Variants in PARD3B observed in about 807,000 individuals in gnomAD.
The protein encoded by PARD3B is partitioning defective 3 homolog B.
In PARD3B, 103 loss-of-function variants were observed where a neutral mutation model predicts 130.2. The ratio of observed to expected loss-of-function variants is 0.79; its 90% confidence interval spans 0.67 to 0.93. The LOEUF (loss-of-function observed/expected upper bound fraction) is 0.93. PARD3B is among the 40% of genes least tolerant of loss of function. PARD3B has a pLI of 0.00. For synonymous variants in PARD3B, 583 were observed against 553.2 expected (o/e 1.05, Z -0.76); for missense variants, 1,609 against 1,499.2 (o/e 1.07, Z -1.21).
At chr2:205,523,257 A>G (rs188380776) in intron 21 of PARD3B, among the ~76,000 whole-genome samples, 129 of 147,222 alleles carry the variant, frequency 8.8e-4, no homozygotes, top group African/African-American at 2.9e-3. Context: ...ATATATATAT[A>G]TTTTTGAGAT....
intron 1 of PARD3B, among the ~76,000 whole-genome samples, chr2:204,611,480 GA>G (rs1231106518): frequency 6.6e-6 from 1 of 152,068 alleles, no homozygotes; most frequent in Non-Finnish European, 1.5e-5. Flanking sequence ...TGTTACTTTG[GA>G]AGGCAGAGGT....
chr2:204,566,538 T>G (rs2031683441), intron 1 of PARD3B, among the ~76,000 whole-genome samples: 1 of 152,200 alleles, frequency 6.6e-6, no homozygotes, highest in African/African-American at 2.4e-5. Flanking sequence ...GTTTGTCTTA[T>G]AAAGTTCTCA....
intron 2 of PARD3B, among the ~76,000 whole-genome samples, chr2:204,932,732 T>G (rs1440474887): frequency 6.6e-6 from 1 of 152,152 alleles, no homozygotes; most frequent in Non-Finnish European, 1.5e-5. Flanking sequence ...ATAAGTATGT[T>G]TATCAAAGAA....
chr2:204,836,536 G>T (rs1437927518), intron 2 of PARD3B, among the ~76,000 whole-genome samples: 2 of 152,046 alleles, frequency 1.3e-5, no homozygotes, highest in African/African-American at 4.8e-5. Context: ...GGTGGTTCAT[G>T]CCTGTAATCC....
chr2:205,055,082 C>T (rs1235628112), intron 4 of PARD3B, among the ~76,000 whole-genome samples: 1 of 152,070 alleles, frequency 6.6e-6, no homozygotes, highest in Non-Finnish European at 1.5e-5. Context: ...TATTCAAGCC[C>T]CCAGGCACAG....
At position 204,581,226 on chromosome 2, in the gene PARD3B, A is replaced by T. The variant is rs11884736; in HGVS notation, c.120+35107A>T. ...GTTCTCTGAGCACTGCAGTTATAAG[A>T]CTGTATGCTCTGCTCTAACACAGGT... On this transcript the variant is annotated intron_variant, in intron 1 of 22. Coordinates refer to ENST00000406610, the MANE Select transcript of PARD3B (RefSeq NM_001302769.2). Among the ~76,000 whole-genome samples, 1,038 of 152,290 alleles carry T rather than the reference A, an allele frequency of 6.8e-3. 11 individuals carry two copies. Among genetic ancestry groups the T allele is most frequent in the African/African-American group, 0.023 (943 of 41,562 alleles).
chr2:205,256,432 T>C (rs1045096963), intron 16 of PARD3B, among the ~76,000 whole-genome samples: 2 of 152,164 alleles, frequency 1.3e-5, no homozygotes, highest in East Asian at 1.9e-4. Flanking sequence ...TCTCACAGTT[T>C]AGTAGCAACA....
intron 20 of PARD3B, among the ~76,000 whole-genome samples, chr2:205,487,170 G>A (rs377087816): frequency 2.6e-5 from 4 of 152,084 alleles, no homozygotes; most frequent in East Asian, 1.9e-4. Flanking sequence ...GTAAGGACTC[G>A]TTCACTTGTC....
chr2:205,176,638 TA>T lies in PARD3B; in HGVS notation c.1924+62del. 7.2e-7 allele frequency: 1 copy of T among 1,396,908 alleles called. No homozygotes were observed. The highest frequency in any genetic ancestry group is 2.7e-5 in the East Asian group (1 of 37,170). 86.5% of individuals were successfully genotyped at this position (1,396,908 alleles called of 1,614,324 possible). ...GTGAGAAAACACAAAAGTGTCTTTTTATCTAAAAAAAAAAAAAAAGAGTAAA... is the reference window on the plus strand; with the variant it reads ...GTGAGAAAACACAAAAGTGTCTTTTTTCTAAAAAAAAAAAAAAAGAGTAAA... On this transcript the variant is annotated intron_variant, in intron 13 of 22. Transcript: ENST00000406610. This position sits in a 1 kb window ranked among gnomAD's most constrained non-coding sequence, Gnocchi z 5.3.
intron 5 of PARD3B, among the ~76,000 whole-genome samples, chr2:205,107,008 G>A (rs1180120666): frequency 6.6e-6 from 1 of 152,184 alleles, no homozygotes; most frequent in Non-Finnish European, 1.5e-5. Flanking sequence ...CCTGGGGCAG[G>A]GAGAATCTCA....
At chr2:204,641,243 A>G (rs2035066110) in intron 1 of PARD3B, among the ~76,000 whole-genome samples, 1 of 150,186 alleles carries the variant, frequency 6.7e-6, no homozygotes, top group Admixed American at 6.7e-5. Context: ...GTATATATAT[A>G]TTAAACATAA....
chr2:205,009,255 GA>G (rs1419128476), intron 3 of PARD3B, among the ~76,000 whole-genome samples: 1 of 152,100 alleles, frequency 6.6e-6, no homozygotes, highest in African/African-American at 2.4e-5. Flanking sequence ...AATGTTTTGT[GA>G]AAAATTCCAA....
rs1424170486 is a variant in PARD3B at position 204,995,402 on chromosome 2, A to G, written c.394+30079A>G. ...ATTCTTTTCTTTAAGAATGTTGAAT[A>G]TTGGCCCCCACTCTCTTCTGGCTTG... is the stretch of plus-strand genomic sequence containing the variant. On this transcript the variant is annotated intron_variant, in intron 3 of 22. Transcript: ENST00000406610. Among the ~76,000 whole-genome samples, 53 of 146,982 alleles carry G rather than the reference A, an allele frequency of 3.6e-4. 2 individuals carry two copies. The highest frequency in any genetic ancestry group is 1.3e-3 in the African/African-American group (51 of 39,862).
At chr2:205,231,265 T>C (rs1324622229) in intron 15 of PARD3B, among the ~76,000 whole-genome samples, 2 of 152,044 alleles carry the variant, frequency 1.3e-5, no homozygotes, top group Non-Finnish European at 2.9e-5. Flanking sequence ...GGGCCATTGG[T>C]TGTATGATTT....
intron 1 of PARD3B, among the ~76,000 whole-genome samples, chr2:204,651,652 A>C (rs1463532127): frequency 1.3e-5 from 2 of 152,148 alleles, no homozygotes; most frequent in African/African-American, 2.4e-5. Flanking sequence ...TAGCTCCACT[A>C]TGCAGTGCCC....
rs1179058170 is a variant in PARD3B at position 205,489,522 on chromosome 2, T to TAC, written c.3045-10368_3045-10367dup. 1.3e-4 allele frequency among the ~76,000 whole-genome samples: 17 copies of TAC among 126,416 alleles called. 1 individual carries two copies. The highest frequency in any genetic ancestry group is 1.9e-4 in the Non-Finnish European group (11 of 59,206). 82.9% of individuals were successfully genotyped at this position (126,416 alleles called of 152,430 possible). On this transcript the variant is annotated intron_variant, in intron 20 of 22. Coordinates refer to ENST00000406610, the MANE Select transcript of PARD3B (RefSeq NM_001302769.2). ...GTATATATATATACGTATATATATA[T>TAC]ACACACATATATATGGCATATATAT... is the stretch of plus-strand genomic sequence containing the variant.
chr2:205,052,934 C>T (rs894299487), intron 4 of PARD3B, among the ~76,000 whole-genome samples: 2 of 152,074 alleles, frequency 1.3e-5, no homozygotes, highest in Non-Finnish European at 2.9e-5. Flanking sequence ...GGAGGGAAAA[C>T]ACCCTGAGGG....
intron 15 of PARD3B, among the ~76,000 whole-genome samples, chr2:205,204,540 A>G (rs1281007981): frequency 1.3e-5 from 2 of 152,166 alleles, no homozygotes; most frequent in Non-Finnish European, 2.9e-5. Context: ...TGTGAGCTGA[A>G]TGGTATTGCC....
intron 2 of PARD3B, among the ~76,000 whole-genome samples, chr2:204,935,365 TA>T (rs1360391304): frequency 7.2e-5 from 8 of 111,798 alleles, no homozygotes; most frequent in African/African-American, 1.5e-4. Flanking sequence ...CTGTCTCTAC[TA>T]AAAATACAAA....
Sources: allele counts gnomAD v4.1 joint callset (sites outside exome capture counted in the v4.1 genomes callset), GRCh38; gene constraint gnomAD v4.1.1; non-coding constraint Gnocchi (gnomAD v3.1); transcripts MANE v1.5; gene names NCBI Gene and HGNC (gene_info 2026-07-23, HGNC 2026-07-21).